The following UGT1A7 variants were observed in gnomAD, a reference collection of about 807,000 sequenced individuals.
UGT1A7 encodes UDP-glucuronosyltransferase 1A7.
A neutral mutation model predicts 45.6 loss-of-function variants in UGT1A7; 33 were observed. That is an observed-to-expected ratio of 0.72 (90% CI 0.55 to 0.97). The LOEUF (loss-of-function observed/expected upper bound fraction) is 0.97, where lower values mean the gene tolerates loss of function less well. Among genes scored for constraint, UGT1A7 ranks in the 50% least tolerant of loss-of-function variants. The pLI is 0.00. For synonymous variants in UGT1A7, 274 were observed against 250.6 expected, an observed-to-expected ratio of 1.09 and a Z score of -0.88; for missense variants, 684 against 666.2, an observed-to-expected ratio of 1.03 and a Z score of -0.29.
chr2:233,697,037 C>CT (rs533697413), intron 1 of UGT1A7, among the ~76,000 whole-genome samples: 10 of 150,934 alleles, frequency 6.6e-5, no homozygotes, highest in South Asian at 2.1e-4. Flanking sequence ...CCGCAGTTTT[C>CT]TTTTTTTTTG....
At chr2:233,755,474 T>TCTGTGAGGCC (rs1294746621) in intron 1 of UGT1A7, 2 of 236,996 alleles carry the variant, frequency 8.4e-6, no homozygotes, top group African/African-American at 4.6e-5. Context: ...TCTGTGAGGC[T>TCTGTGAGGCC]CTGTGAGGCC....
intron 1 of UGT1A7, among the ~76,000 whole-genome samples, chr2:233,744,831 G>A (rs1406769887): frequency 6.6e-6 from 1 of 151,816 alleles, no homozygotes; most frequent in African/African-American, 2.4e-5. Flanking sequence ...TTTGAGAATC[G>A]CTAGTCTAGC....
chr2:233,706,636 G>T (rs1013671014), intron 1 of UGT1A7, among the ~76,000 whole-genome samples: 1 of 152,178 alleles, frequency 6.6e-6, no homozygotes, highest in Non-Finnish European at 1.5e-5. Flanking sequence ...TGTTTCTACT[G>T]TGTCTGTGCC....
chr2:233,753,809 G>A (rs1297655785), intron 1 of UGT1A7, among the ~76,000 whole-genome samples: 1 of 152,202 alleles, frequency 6.6e-6, no homozygotes, highest in Non-Finnish European at 1.5e-5. Context: ...CATAGTTGGA[G>A]AACCACGTTA....
intron 1 of UGT1A7, chr2:233,747,256 G>C: frequency 6.2e-7 from 1 of 1,600,772 alleles, no homozygotes; most frequent in Non-Finnish European, 8.5e-7. Flanking sequence ...GCTGGCCACA[G>C]GAGTGCTACT....
chr2:233,717,804 C>A (rs147106885), intron 1 of UGT1A7: 23 of 455,884 alleles, frequency 5.0e-5, no homozygotes, highest in African/African-American at 3.8e-4. Context: ...AGTGCCCCCA[C>A]AAATTATGCA....
chr2:233,710,571 C>T (rs554761424), intron 1 of UGT1A7, among the ~76,000 whole-genome samples: 17 of 152,284 alleles, frequency 1.1e-4, no homozygotes, highest in Admixed American at 9.8e-4. Context: ...AAAAGGTGCC[C>T]TTTCAAAATC....
chr2:233,762,588 C>T lies in UGT1A7; in HGVS notation c.856-4446C>T, dbSNP rs557401720. On this transcript the variant is annotated intron_variant, in intron 1 of 4. Coordinates refer to ENST00000373426, the MANE Select transcript of UGT1A7 (RefSeq NM_019077.3). ...TCTAGTTCCCCACAGAGGAACATTA[C>T]AATTTGTATTCCAGGAGTTTTGTTG... is the stretch of plus-strand genomic sequence containing the variant. Among the ~76,000 whole-genome samples, 47 of 152,302 alleles carry T rather than the reference C, an allele frequency of 3.1e-4. No individual in the cohort carries two copies. In the Middle Eastern group the frequency reaches 0.014, roughly 44 times the overall value.
In UGT1A7 at chr2:233,713,489, G is replaced by A. The variant is rs17868332; in HGVS notation, c.855+30697G>A. On this transcript the variant is annotated intron_variant, in intron 1 of 4. Transcript: ENST00000373426. ...CGGCGGTGCTGGCTAAGTACCTGTC[G>A]ATTCCTGCTGTGTTTTTCTTGAGGA... 26 of 1,613,820 alleles carry A rather than the reference G, an allele frequency of 1.6e-5. No individual in the cohort carries two copies. In the Admixed American group the frequency reaches 2.0e-4, roughly 12 times the overall value.
At chr2:233,729,508 T>G in intron 1 of UGT1A7, 2 of 1,614,204 alleles carry the variant, frequency 1.2e-6, no homozygotes. Context: ...TCATAGGTCT[T>G]GTGTGGAGCT....
chr2:233,754,892 C>A, intron 1 of UGT1A7: 1 of 1,351,640 alleles, frequency 7.4e-7, no homozygotes, highest in Non-Finnish European at 9.9e-7. Flanking sequence ...GGGAGTTCCT[C>A]TGACCCCCCA....
chr2:233,708,882 A>G (rs761611588), intron 1 of UGT1A7, among the ~76,000 whole-genome samples: 2 of 152,112 alleles, frequency 1.3e-5, no homozygotes, highest in Non-Finnish European at 1.5e-5. Context: ...ACATACTAGA[A>G]CAATCTCAGG....
intron 1 of UGT1A7, among the ~76,000 whole-genome samples, chr2:233,737,452 T>A (rs1303552589): frequency 6.6e-6 from 1 of 152,148 alleles, no homozygotes; most frequent in Non-Finnish European, 1.5e-5. Flanking sequence ...TTTTTCCAGG[T>A]ACAGTCTGTC....
In UGT1A7 at chr2:233,759,136, T is replaced by C. The variant is rs1257027587; in HGVS notation, c.856-7898T>C. 2.6e-5 allele frequency among the ~76,000 whole-genome samples: 4 copies of C among 152,326 alleles called. No individual in the cohort carries two copies. In the East Asian group the frequency reaches 7.7e-4, roughly 29 times the overall value. ...GGGAGTTACAGCCTCTGGTACGCAA[T>C]GAAGGTGAGTTCCACAGAACACAAG... On this transcript the variant is annotated intron_variant, in intron 1 of 4. Transcript: ENST00000373426.
At chr2:233,719,408 G>A (rs762624701) in intron 1 of UGT1A7, 11 of 1,613,826 alleles carry the variant, frequency 6.8e-6, no homozygotes, top group African/African-American at 5.3e-5. Flanking sequence ...ATATTCCTAA[G>A]TTACTAACGA....
intron 1 of UGT1A7, among the ~76,000 whole-genome samples, chr2:233,764,543 G>A (rs1413559282): frequency 2.6e-5 from 4 of 152,222 alleles, no homozygotes; most frequent in South Asian, 2.1e-4. Context: ...CTGAGTGGGC[G>A]TGTGGGAGGG....
intron 1 of UGT1A7, among the ~76,000 whole-genome samples, chr2:233,735,018 T>G (rs1362396194): frequency 6.6e-6 from 1 of 152,220 alleles, no homozygotes; most frequent in Non-Finnish European, 1.5e-5. Flanking sequence ...GTTCTGTAGA[T>G]GTCTATTAGG....
chr2:233,708,218 A>G (rs2125610578), intron 1 of UGT1A7, among the ~76,000 whole-genome samples: 1 of 152,314 alleles, frequency 6.6e-6, no homozygotes, highest in South Asian at 2.1e-4. Flanking sequence ...TTAACAATTT[A>G]TTCTTCCCTT....
chr2:233,712,949 A>C, intron 1 of UGT1A7: 1 of 1,612,750 alleles, frequency 6.2e-7, no homozygotes. Flanking sequence ...TCTAGGAGGC[A>C]CAACGTGGGG....
Sources: gnomAD v4.1 joint callset for allele counts (sites outside exome capture counted in the v4.1 genomes callset) on GRCh38, gnomAD v4.1.1 for gene constraint, MANE v1.5 for transcripts, NCBI Gene and HGNC (gene_info 2026-07-23, HGNC 2026-07-21) for gene names.